LRRC8D: variants seen among roughly 807,000 people sequenced by gnomAD.
LRRC8D encodes the protein leucine rich repeat containing 8 VRAC subunit D.
A neutral mutation model predicts 55.8 loss-of-function variants in LRRC8D; 20 were observed. The observed-to-expected ratio is 0.36, with a 90% confidence interval of 0.25 to 0.52. The LOEUF (loss-of-function observed/expected upper bound fraction) is 0.52, where lower values mean the gene tolerates loss of function less well. LRRC8D is among the 20% of genes least tolerant of loss of function. The pLI is 0.93. For missense variants in LRRC8D, 651 were observed against 1,030.8 expected (o/e 0.63, Z 5.05); for synonymous variants, 352 against 377.0 (o/e 0.93, Z 0.77).
At chr1:89,919,870 T>G (rs1663368440) in intron 2 of LRRC8D, among the ~76,000 whole-genome samples, 1 of 152,214 alleles carries the variant, frequency 6.6e-6, no homozygotes. Flanking sequence ...AACTCCATAA[T>G]TATTTGTTAA....
intron 2 of LRRC8D, among the ~76,000 whole-genome samples, chr1:89,860,652 G>A (rs1227871395): frequency 4.1e-5 from 6 of 147,642 alleles, no homozygotes; most frequent in African/African-American, 1.5e-4. Flanking sequence ...AAGCTACTTG[G>A]GAGTCTGAGG....
chr1:89,916,649 T>C (rs189724496), intron 2 of LRRC8D, among the ~76,000 whole-genome samples: 19 of 152,042 alleles, frequency 1.2e-4, no homozygotes, highest in African/African-American at 4.6e-4. Flanking sequence ...AGTTTAACTC[T>C]GTGTCTCCTC....
chr1:89,904,754 AC>A (rs1376820729), intron 2 of LRRC8D, among the ~76,000 whole-genome samples: 1 of 152,186 alleles, frequency 6.6e-6, no homozygotes, highest in East Asian at 1.9e-4. Flanking sequence ...CAGTGCCACT[AC>A]TATTAATTAG....
intron 2 of LRRC8D, among the ~76,000 whole-genome samples, chr1:89,915,687 G>C (rs1397461709): frequency 6.6e-6 from 1 of 152,148 alleles, no homozygotes; most frequent in African/African-American, 2.4e-5. Flanking sequence ...TCCTCTGTGG[G>C]CCATAAAGTG....
chr1:89,862,703 G>T (rs1362907196), intron 2 of LRRC8D, among the ~76,000 whole-genome samples: 2 of 152,160 alleles, frequency 1.3e-5, no homozygotes, highest in Admixed American at 6.5e-5. Context: ...TTATAAACTG[G>T]AACTGGATCC....
At chr1:89,840,003 A>G (rs1359386511) in intron 1 of LRRC8D, among the ~76,000 whole-genome samples, 1 of 152,166 alleles carries the variant, frequency 6.6e-6, no homozygotes, top group Non-Finnish European at 1.5e-5. Flanking sequence ...CAGAAAAGCT[A>G]TTTCTTGAAA....
chr1:89,874,039 G>A (rs72716333), intron 2 of LRRC8D, among the ~76,000 whole-genome samples: 6,462 of 152,294 alleles, frequency 0.042, 203 homozygotes, highest in East Asian at 0.13. Flanking sequence ...GATAGTCTAA[G>A]TGTTAAGCAT....
At chr1:89,864,656 T>G (rs533023956) in intron 2 of LRRC8D, among the ~76,000 whole-genome samples, 65 of 152,196 alleles carry the variant, frequency 4.3e-4, no homozygotes, top group African/African-American at 1.3e-3. Context: ...GTCAGTGACC[T>G]CCTTAACACC....
At chr1:89,865,546 A>G (rs746272909) in intron 2 of LRRC8D, among the ~76,000 whole-genome samples, 3 of 152,062 alleles carry the variant, frequency 2.0e-5, no homozygotes, top group Non-Finnish European at 4.4e-5. Context: ...CTTAAGGCAT[A>G]TGAGTCTTTT....
chr1:89,916,790 C>T (rs959110830), intron 2 of LRRC8D, among the ~76,000 whole-genome samples: 4 of 152,138 alleles, frequency 2.6e-5, no homozygotes, highest in Admixed American at 1.3e-4. Context: ...CCTCAGGGGC[C>T]GCCACCTTCC....
chr1:89,866,759 A>T (rs1159295085), intron 2 of LRRC8D, among the ~76,000 whole-genome samples: 1 of 152,234 alleles, frequency 6.6e-6, no homozygotes, highest in East Asian at 1.9e-4. Flanking sequence ...TTACCTAGGT[A>T]ACCCTGCAGC....
chr1:89,922,066 A>AT (rs921830700), intron 2 of LRRC8D, among the ~76,000 whole-genome samples: 10 of 148,968 alleles, frequency 6.7e-5, no homozygotes, highest in East Asian at 5.9e-4. Flanking sequence ...TCTTCATATA[A>AT]TTTTTTTTTT....
chr1:89,879,915 A>G (rs917848134), intron 2 of LRRC8D, among the ~76,000 whole-genome samples: 1 of 152,178 alleles, frequency 6.6e-6, no homozygotes, highest in Non-Finnish European at 1.5e-5. Flanking sequence ...AAATGTATTA[A>G]AATTGAATTA....
intron 2 of LRRC8D, among the ~76,000 whole-genome samples, chr1:89,861,250 A>G (rs941066583): frequency 6.6e-6 from 1 of 152,138 alleles, no homozygotes; most frequent in South Asian, 2.1e-4. Context: ...TAACTGTGTG[A>G]CCCTAGGAAA....
chr1:89,838,904 A>G (rs367666920), intron 1 of LRRC8D, among the ~76,000 whole-genome samples: 1 of 152,218 alleles, frequency 6.6e-6, no homozygotes, highest in Non-Finnish European at 1.5e-5. Context: ...CAGTTGACCT[A>G]TTACAAAATA....
intron 2 of LRRC8D, among the ~76,000 whole-genome samples, chr1:89,888,605 A>G (rs1662483738): frequency 6.6e-6 from 1 of 152,216 alleles, no homozygotes; most frequent in Non-Finnish European, 1.5e-5. Flanking sequence ...CTTGGTTTCT[A>G]ATACCATTAT....
chr1:89,883,138 G>C (rs1662325590), intron 2 of LRRC8D, among the ~76,000 whole-genome samples: 3 of 152,078 alleles, frequency 2.0e-5, no homozygotes, highest in Admixed American at 2.0e-4. Flanking sequence ...AGGGTATAGT[G>C]CATGATCACG....
At chr1:89,863,369 G>T (rs1186586041) in intron 2 of LRRC8D, among the ~76,000 whole-genome samples, 1 of 152,184 alleles carries the variant, frequency 6.6e-6, no homozygotes, top group South Asian at 2.1e-4. Flanking sequence ...TGTAGATCAC[G>T]CAGTACACAA....
intron 2 of LRRC8D, among the ~76,000 whole-genome samples, chr1:89,929,636 G>A (rs906720777): frequency 6.6e-6 from 1 of 152,270 alleles, no homozygotes; most frequent in East Asian, 1.9e-4. Flanking sequence ...CTCTTCATGG[G>A]GATACCTTCT....
Sources: allele counts gnomAD v4.1 joint callset (sites outside exome capture counted in the v4.1 genomes callset), GRCh38; gene constraint gnomAD v4.1.1; transcripts MANE v1.5; gene names NCBI Gene and HGNC (gene_info 2026-07-23, HGNC 2026-07-21).